GAB2: variants seen among roughly 807,000 people sequenced by gnomAD.
GAB2 encodes the protein GRB2-associated-binding protein 2.
GAB2 carries 26 observed loss-of-function variants against 65.5 expected under a neutral mutation model. That is an observed-to-expected ratio of 0.40 (90% confidence interval 0.29 to 0.55). The LOEUF is 0.55. Ranked by LOEUF, GAB2 falls within the 20% of genes least tolerant of loss-of-function variation. The pLI is 0.53. For missense variants in GAB2, 884 were observed against 875.8 expected, an observed-to-expected ratio of 1.01 and a Z score of -0.12; for synonymous variants, 321 against 329.6, an observed-to-expected ratio of 0.97 and a Z score of 0.28.
At chr11:78,273,623 T>G (rs1866081107) in intron 2 of GAB2, among the ~76,000 whole-genome samples, 1 of 152,224 alleles carries the variant, frequency 6.6e-6, no homozygotes, top group African/African-American at 2.4e-5. Context: ...CTTTGGACTG[T>G]GGACTTTTGA....
chr11:78,383,835 T>A (rs548891216), intron 1 of GAB2, among the ~76,000 whole-genome samples: 4 of 152,138 alleles, frequency 2.6e-5, no homozygotes, highest in African/African-American at 9.6e-5. Context: ...GTGGAGGGAT[T>A]GAATGGGAGA....
chr11:78,219,216 A>AT lies in GAB2; in HGVS notation c.*55dup. 6.5e-7 allele frequency: 1 copy of AT among 1,541,778 alleles called. No individual in the cohort carries two copies. On this transcript the variant is annotated 3_prime_UTR_variant, in exon 10 of 10. Coordinates refer to ENST00000361507, the MANE Select transcript of GAB2 (RefSeq NM_080491.3). ...AAGAACGGGAGAGGGGAGAGGGGAG[A>AT]TGGGAAGGGCCAGCTCTGGAGATGC...
At chr11:78,288,084 T>C (rs1255267548) in intron 1 of GAB2, among the ~76,000 whole-genome samples, 4 of 151,346 alleles carry the variant, frequency 2.6e-5, no homozygotes, top group Non-Finnish European at 2.9e-5. Context: ...TGATTATCTA[T>C]ATAGAAAAAT....
intron 3 of GAB2, among the ~76,000 whole-genome samples, chr11:78,246,272 C>T (rs769878529): frequency 6.6e-6 from 1 of 152,000 alleles, no homozygotes; most frequent in Non-Finnish European, 1.5e-5. Flanking sequence ...AGTGTGTTTT[C>T]CTTTATTACA....
chr11:78,246,802 AAGTGATATTTTT>A (rs1185643622), intron 3 of GAB2, among the ~76,000 whole-genome samples: 1 of 152,116 alleles, frequency 6.6e-6, no homozygotes, highest in Non-Finnish European at 1.5e-5. Context: ...CCCGGCCGAG[AAGTGATATTTTT>A]ATAGGAAATC....
intron 7 of GAB2, 81 bp from the exon 8 acceptor site, chr11:78,221,860 C>T (rs1864443993): frequency 1.1e-6 from 1 of 914,614 alleles, no homozygotes; most frequent in African/African-American, 1.6e-5. Flanking sequence ...GGCCCTGACC[C>T]TCACACACCC....
chr11:78,248,790 G>A (rs1865365692), intron 3 of GAB2, among the ~76,000 whole-genome samples: 2 of 152,188 alleles, frequency 1.3e-5, no homozygotes, highest in Admixed American at 1.3e-4. Flanking sequence ...ACCTGAATTT[G>A]AACCCATATC....
chr11:78,261,127 A>G (rs928097225), intron 2 of GAB2, among the ~76,000 whole-genome samples: 2 of 152,162 alleles, frequency 1.3e-5, no homozygotes, highest in African/African-American at 2.4e-5. Flanking sequence ...TCACGCATAC[A>G]TATAAATTAG....
chr11:78,222,141 A>C lies in GAB2; in HGVS notation c.1622T>G (p.Phe541Cys). 6.2e-7 allele frequency: 1 copy of C among 1,613,904 alleles called. No homozygotes were observed. Among genetic ancestry groups the C allele is most frequent in the South Asian group, 1.1e-5 (1 of 91,084 alleles). The part of the protein sequence containing the change: ...RNNTVIDELP[F>C]KSPITKSWSR... ...CCAAGACTTGGTGATAGGTGACTTG[A>C]AGGGGAGTTCATCGATGACGGTGTT... Residue 541 changes from phenylalanine (F) to cysteine (C), a missense_variant, in exon 7 of 10, where the codon TTC (phenylalanine) becomes TGC (cysteine). Physicochemically the swap from Phe to Cys is radical, Grantham distance 205. Coordinates refer to ENST00000361507, the MANE Select transcript of GAB2 (RefSeq NM_080491.3).
At chr11:78,246,568 G>A (rs530934104) in intron 3 of GAB2, among the ~76,000 whole-genome samples, 185 of 151,902 alleles carry the variant, frequency 1.2e-3, no homozygotes, top group African/African-American at 4.0e-3. Context: ...GCGTGATCTC[G>A]GCCCACTGCA....
chr11:78,284,736 T>A (rs891070768), intron 1 of GAB2, among the ~76,000 whole-genome samples: 1 of 152,148 alleles, frequency 6.6e-6, no homozygotes, highest in Admixed American at 6.5e-5. Context: ...AAAGCATGTA[T>A]ACCCCCAAAA....
At chr11:78,220,239 TGA>T in intron 9 of GAB2, 78 bp downstream of exon 9, 2 of 1,510,674 alleles carry the variant, frequency 1.3e-6, no homozygotes, top group Non-Finnish European at 1.8e-6. Context: ...TGTTCAGTGT[TGA>T]AGGCACCCTG....
chr11:78,274,414 G>A (rs1174037870), intron 2 of GAB2, among the ~76,000 whole-genome samples: 1 of 152,178 alleles, frequency 6.6e-6, no homozygotes, highest in African/African-American at 2.4e-5. Flanking sequence ...TCAACTCCAG[G>A]GGATACCCCT....
intron 2 of GAB2, among the ~76,000 whole-genome samples, chr11:78,264,099 T>C (rs554000501): frequency 1.2e-3 from 176 of 152,284 alleles, no homozygotes; most frequent in African/African-American, 4.0e-3. Context: ...TGTTAAATAG[T>C]ACTGTTTTCA....
Position 78,382,380 on chromosome 11 carries a change from A to ATT in GAB2, c.75+35264_75+35265dup, listed in dbSNP as rs1341614721. On this transcript the variant is annotated intron_variant, in intron 1 of 9. Coordinates refer to ENST00000361507, the MANE Select transcript of GAB2 (RefSeq NM_080491.3). ...CTGGAGCAATATTCTTTTTTTTATT[A>ATT]TTATTTTTTTTTTTTTGAGACAGAG... 8.1e-4 allele frequency among the ~76,000 whole-genome samples: 121 copies of ATT among 149,580 alleles called. 1 individual carries two copies. The highest frequency in any genetic ancestry group is 3.0e-3 in the African/African-American group (119 of 40,024).
At chr11:78,403,380 A>G (rs114759154) in intron 1 of GAB2, among the ~76,000 whole-genome samples, 1,626 of 152,320 alleles carry the variant, frequency 0.011, 27 homozygotes, top group African/African-American at 0.037. Context: ...AACATTTGTA[A>G]ATGGCTACCT....
chr11:78,375,042 A>T (rs1162507058), intron 1 of GAB2, among the ~76,000 whole-genome samples: 1 of 152,130 alleles, frequency 6.6e-6, no homozygotes, highest in Non-Finnish European at 1.5e-5. Flanking sequence ...TATTTCGTTT[A>T]TTTATTTTGT....
intron 1 of GAB2, among the ~76,000 whole-genome samples, chr11:78,300,695 G>GTT (rs769243672): frequency 0.12 from 14,116 of 113,142 alleles, 1,278 homozygotes; most frequent in East Asian, 0.34. Flanking sequence ...GTTTTTTTTT[G>GTT]TTTTTTTTTT....
chr11:78,250,792 C>G (rs1590966760), intron 2 of GAB2, among the ~76,000 whole-genome samples: 1 of 152,194 alleles, frequency 6.6e-6, no homozygotes. Flanking sequence ...GAAATCATGT[C>G]TTTTGCAGCA....
Sources: gnomAD v4.1 joint callset for allele counts (sites outside exome capture counted in the v4.1 genomes callset) on GRCh38, gnomAD v4.1.1 for gene constraint, MANE v1.5 for transcripts, NCBI Gene and HGNC (gene_info 2026-07-23, HGNC 2026-07-21) for gene names.